The following CDH18 variants were observed in gnomAD, a reference collection of about 807,000 sequenced individuals.
The protein encoded by CDH18 is cadherin 18, also known as cadherin-18.
Under a neutral mutation model 67.9 loss-of-function variants are expected in CDH18, and 31 were observed. The observed-to-expected ratio is 0.46, with a 90% CI of 0.34 to 0.62. The LOEUF (loss-of-function observed/expected upper bound fraction) is 0.62, where lower values mean the gene tolerates loss of function less well. Ranked by LOEUF, CDH18 falls within the 20% of genes least tolerant of loss-of-function variation. The probability of loss-of-function intolerance (pLI) is 0.01; values close to 1 mark genes in which losing one functional copy is unlikely to be tolerated. For synonymous variants in CDH18, 362 were observed against 347.2 expected (o/e 1.04, Z -0.48); for missense variants, 890 against 975.5 (o/e 0.91, Z 1.17).
intron 2 of CDH18, among the ~76,000 whole-genome samples, chr5:20,227,746 C>A (rs561655844): frequency 2.0e-3 from 306 of 152,088 alleles, no homozygotes; most frequent in South Asian, 3.5e-3. Context: ...CCTCAGCCTC[C>A]CAGAGTGCTG....
chr5:19,859,989 G>GGGGT (rs143069229), intron 2 of CDH18, among the ~76,000 whole-genome samples: 38 of 143,248 alleles, frequency 2.7e-4, no homozygotes, highest in African/African-American at 7.3e-4. Flanking sequence ...GTTTGCTTTG[G>GGGGT]GTGTGTGTGT....
intron 11 of CDH18, among the ~76,000 whole-genome samples, chr5:19,489,493 C>T (rs1741015882): frequency 6.6e-6 from 1 of 151,934 alleles, no homozygotes; most frequent in South Asian, 2.1e-4. Flanking sequence ...GTGATCTGCC[C>T]CCCTTGGCCT....
chr5:19,744,087 G>A (rs1769626753), intron 4 of CDH18, among the ~76,000 whole-genome samples: 1 of 151,730 alleles, frequency 6.6e-6, no homozygotes, highest in African/African-American at 2.4e-5. Flanking sequence ...CTATGTATTT[G>A]TTTTCCTATA....
At chr5:19,804,195 A>G (rs1379996625) in intron 3 of CDH18, among the ~76,000 whole-genome samples, 3 of 150,166 alleles carry the variant, frequency 2.0e-5, no homozygotes, top group African/African-American at 7.3e-5. Context: ...CCAGCTACTC[A>G]GGAGGCTGAG....
chr5:19,715,168 G>A (rs373936752), intron 5 of CDH18, among the ~76,000 whole-genome samples: 1 of 152,046 alleles, frequency 6.6e-6, no homozygotes, highest in Non-Finnish European at 1.5e-5. Flanking sequence ...ATCATTCCTA[G>A]ACTTAATATT....
chr5:20,152,412 G>A (rs911570834), intron 2 of CDH18, among the ~76,000 whole-genome samples: 2 of 151,274 alleles, frequency 1.3e-5, no homozygotes, highest in Non-Finnish European at 1.5e-5. Context: ...TGTATACAGA[G>A]CCTAATATCA....
At chr5:19,855,422 G>A (rs1268807172) in intron 2 of CDH18, among the ~76,000 whole-genome samples, 1 of 152,062 alleles carries the variant, frequency 6.6e-6, no homozygotes, top group African/African-American at 2.4e-5. Context: ...TTGATTTGGG[G>A]GTGGATGAAA....
In CDH18 at chr5:19,473,562, A is replaced by G. The variant is rs2126493007; in HGVS notation, c.2037T>C (p.Pro679=). 6.2e-7 allele frequency: 1 copy of G among 1,613,874 alleles called. No homozygotes were observed. The highest frequency in any genetic ancestry group is 2.2e-5 in the East Asian group (1 of 44,848). The part of the protein sequence containing the change: ...EAFDITALRN[P]SAAEELKYRR... ...GGTACTTGAGCTCCTCAGCAGCAGAAGGATTCCTCAAGGCTGTGATGTCAA... is the reference window on the plus strand; with the variant it reads ...GGTACTTGAGCTCCTCAGCAGCAGAGGGATTCCTCAAGGCTGTGATGTCAA... Residue 679 remains proline, a synonymous_variant, in exon 13 of 13, where the codon CCT becomes CCC. Transcript: ENST00000382275.
chr5:20,519,553 T>C (rs1471639038), intron 1 of CDH18, among the ~76,000 whole-genome samples: 4 of 152,040 alleles, frequency 2.6e-5, no homozygotes, highest in East Asian at 3.9e-4. Context: ...TACACGAATA[T>C]GGCACATGTA....
intron 1 of CDH18, among the ~76,000 whole-genome samples, chr5:20,361,616 A>G (rs917320871): frequency 1.3e-5 from 2 of 152,092 alleles, no homozygotes; most frequent in Non-Finnish European, 2.9e-5. Context: ...CCTTGCTAGT[A>G]TATTACCCTC....
chr5:20,408,310 G>A (rs764931926), intron 1 of CDH18, among the ~76,000 whole-genome samples: 12 of 152,128 alleles, frequency 7.9e-5, no homozygotes, highest in Middle Eastern at 3.4e-3. Context: ...CAGCATGATA[G>A]CCTACCAAGT....
chr5:19,821,276 A>C (rs1314435392), intron 3 of CDH18, among the ~76,000 whole-genome samples: 1 of 152,186 alleles, frequency 6.6e-6, no homozygotes, highest in Non-Finnish European at 1.5e-5. Context: ...TCTGGCATTG[A>C]AAAAGGTACT....
chr5:20,052,194 G>C (rs79077604), intron 2 of CDH18, among the ~76,000 whole-genome samples: 106 of 152,252 alleles, frequency 7.0e-4, no homozygotes, highest in Non-Finnish European at 1.3e-3. Flanking sequence ...TACAGGAATT[G>C]AAAGTAGAGA....
At chr5:20,501,514 A>G (rs1247889953) in intron 1 of CDH18, among the ~76,000 whole-genome samples, 3 of 34,178 alleles carry the variant, frequency 8.8e-5, no homozygotes, top group Non-Finnish European at 1.9e-4. Context: ...TTTTATATAT[A>G]TTATATACAT....
chr5:20,516,472 G>T lies in CDH18; in HGVS notation c.-580+58990C>A, dbSNP rs568124458. On this transcript the variant is annotated intron_variant, in intron 1 of 14. Transcript: ENST00000507958. ...ACTAAGAAAAATAATTTTAATACAG[G>T]TGACTTTGGGCTGAGTTTTCAAATG... Among the ~76,000 whole-genome samples, 5 of 151,846 alleles carry T rather than the reference G, an allele frequency of 3.3e-5. No homozygotes were observed. The South Asian group carries it at 1.0e-3, about 31-fold the overall frequency.
At chr5:19,866,567 A>G (rs2150002299) in intron 2 of CDH18, among the ~76,000 whole-genome samples, 1 of 152,308 alleles carries the variant, frequency 6.6e-6, no homozygotes, top group Middle Eastern at 3.4e-3. Flanking sequence ...TAAGTAGGGC[A>G]GTTTAATTAA....
intron 1 of CDH18, among the ~76,000 whole-genome samples, chr5:20,477,792 G>A (rs1039368232): frequency 9.2e-5 from 14 of 152,188 alleles, no homozygotes; most frequent in African/African-American, 2.7e-4. Flanking sequence ...CCAGTGAGAC[G>A]CCAGCTGGGG....
chr5:20,135,638 T>C (rs541540472), intron 2 of CDH18, among the ~76,000 whole-genome samples: 20 of 152,330 alleles, frequency 1.3e-4, no homozygotes, highest in Admixed American at 5.2e-4. Context: ...TGCTAGCTTT[T>C]GAATGTGTTT....
At chr5:20,480,441 A>G (rs1442861070) in intron 1 of CDH18, among the ~76,000 whole-genome samples, 1 of 151,748 alleles carries the variant, frequency 6.6e-6, no homozygotes, top group Non-Finnish European at 1.5e-5. Flanking sequence ...GTTTTTTGAG[A>G]CAGTCTCACT....
Sources: allele counts gnomAD v4.1 joint callset (sites outside exome capture counted in the v4.1 genomes callset), GRCh38; gene constraint gnomAD v4.1.1; transcripts MANE v1.5; gene names NCBI Gene and HGNC (gene_info 2026-07-23, HGNC 2026-07-21).